ZNF83: variants seen among roughly 807,000 people sequenced by gnomAD.
ZNF83 encodes zinc finger protein 83, also known as zinc finger protein 816B.
For missense variants in ZNF83, 552 were observed against 629.9 expected (o/e 0.88, Z 1.32); for synonymous variants, 209 against 213.0 (o/e 0.98, Z 0.17).
At chr19:52,651,899 C>T (rs2147253118) in intron 3 of ZNF83, 1 of 171,070 alleles carries the variant, frequency 5.8e-6, no homozygotes, top group East Asian at 1.9e-4. Flanking sequence ...CTTTTTATGT[C>T]AATTAATGCT....
intron 1 of ZNF83, among the ~76,000 whole-genome samples, chr19:52,681,303 C>CAAAAAAAAAAAAAAAAAAAAA (rs1189423006): frequency 1.1e-4 from 9 of 78,282 alleles, no homozygotes; most frequent in African/African-American, 1.8e-4. Flanking sequence ...AAAAAAAAAG[C>CAAAAAAAAAAAAAAAAAAAAA]AAACGAACAT....
At chr19:52,643,641 T>C (rs2147230484) in intron 3 of ZNF83, among the ~76,000 whole-genome samples, 1 of 151,618 alleles carries the variant, frequency 6.6e-6, no homozygotes, top group African/African-American at 2.4e-5. Context: ...GTGGAGGTTG[T>C]GGTGAACTGA....
chr19:52,652,656 A>G, intron 3 of ZNF83: 1 of 539,306 alleles, frequency 1.9e-6, no homozygotes, highest in South Asian at 1.5e-5. Flanking sequence ...ATCTCTCTTC[A>G]TTATGGATTC....
chr19:52,630,914 C>CG, intron 2 of ZNF83, among the ~76,000 whole-genome samples: 1 of 152,014 alleles, frequency 6.6e-6, no homozygotes, highest in Admixed American at 6.6e-5. Context: ...TCAGGATCTG[C>CG]ACCTTATCAA....
chr19:52,657,967 T>C (rs1279223109), intron 2 of ZNF83, among the ~76,000 whole-genome samples: 2 of 151,450 alleles, frequency 1.3e-5, no homozygotes, highest in Admixed American at 1.3e-4. Flanking sequence ...AGAAACTCTG[T>C]CTCTACTAAA....
In ZNF83 at chr19:52,625,624, T is replaced by C. The variant is rs191600540; in HGVS notation, c.-234+9442A>G. Among the ~76,000 whole-genome samples the C allele has an allele frequency of 5.4e-4, 82 of 152,328 alleles. No individual in the cohort carries two copies. The East Asian group carries it at 0.014, about 26-fold the overall frequency. On this transcript the variant is annotated intron_variant, in intron 2 of 2. Transcript: ENST00000301096. The stretch of plus-strand genomic sequence containing the variant: ...GTATTACAGACAAGACATCTATCAA[T>C]ACTGGCAAACTTAAAAACATTATTG...
chr19:52,675,592 A>C (rs1452641169), intron 1 of ZNF83, among the ~76,000 whole-genome samples: 1 of 152,094 alleles, frequency 6.6e-6, no homozygotes, highest in Non-Finnish European at 1.5e-5. Context: ...GTGGTGTTGG[A>C]GGGGATGGGC....
At chr19:52,638,063 T>C (rs1315424054) in intron 1 of ZNF83, among the ~76,000 whole-genome samples, 3 of 151,954 alleles carry the variant, frequency 2.0e-5, no homozygotes, top group Non-Finnish European at 4.4e-5. Flanking sequence ...GAAAACAGTT[T>C]TGAGCAGGAA....
intron 1 of ZNF83, chr19:52,674,159 C>G (rs943734444): frequency 2.0e-5 from 3 of 152,168 alleles, no homozygotes; most frequent in African/African-American, 7.2e-5. Flanking sequence ...AACTCTTGGG[C>G]CTTAAGCCTT....
rs2061109941 is a variant in ZNF83, at chr19:52,635,309, GCACCCTTCTGGAGAAGCCCACACCA to G, written c.-321-181_-321-157del. On this transcript the variant is annotated intron_variant, in intron 1 of 2. Transcript: ENST00000301096. ...GATAAACTCCTACAGGAAAACTCCC[GCACCCTTCTGGAGAAGCCCACACCA>G]CACCCTTCTGGAGGAGTCCACACAC... The G allele has an allele frequency of 2.9e-5, 12 of 416,210 alleles. No individual in the cohort carries two copies. In the South Asian group the frequency reaches 3.9e-4, roughly 14 times the overall value. 25.8% of individuals were successfully genotyped at this position (416,210 alleles called of 1,614,324 possible).
Position 52,645,118 on chromosome 19 carries a change from A to G in ZNF83, c.-73-9965T>C, listed in dbSNP as rs531641252. Among the ~76,000 whole-genome samples the G allele has an allele frequency of 4.6e-5, 7 of 152,256 alleles. No individual in the cohort carries two copies. The South Asian group carries it at 1.0e-3, about 23-fold the overall frequency. On this transcript the variant is annotated intron_variant, in intron 3 of 5. Transcript: ENST00000594682. ...ATGGACCAGAGGGCCTGAGGGAAAC[A>G]TGCACTTAATAGCTTACAGCTCAAG...
At chr19:52,667,486 G>A (rs1429399193) in intron 1 of ZNF83, among the ~76,000 whole-genome samples, 4 of 152,174 alleles carry the variant, frequency 2.6e-5, no homozygotes, top group Non-Finnish European at 5.9e-5. Flanking sequence ...AACAGTTTAT[G>A]TGCAAGTTGT....
At chr19:52,681,280 CAAAAAAAA>C (rs56916405) in intron 1 of ZNF83, among the ~76,000 whole-genome samples, 3 of 75,440 alleles carry the variant, frequency 4.0e-5, no homozygotes, top group Non-Finnish European at 5.0e-5. Flanking sequence ...GAGACTTTCT[CAAAAAAAA>C]AAAAAAAAAA....
chr19:52,646,838 T>G lies in ZNF83; in HGVS notation c.-74+8723A>C, dbSNP rs568075654. 6.6e-5 allele frequency among the ~76,000 whole-genome samples: 10 copies of G among 152,362 alleles called. 2 individuals are homozygous for G. The South Asian group carries it at 1.9e-3, about 28-fold the overall frequency. On this transcript the variant is annotated intron_variant, in intron 3 of 5. Coordinates refer to the ZNF83 transcript ENST00000594682. Reference sequence around the variant, plus strand: ...TAGCAAACTCTGTAAGTTCCTGTTTTTCTTTTGATGCATCTGCAAGGTCAC... The same window carrying G: ...TAGCAAACTCTGTAAGTTCCTGTTTGTCTTTTGATGCATCTGCAAGGTCAC...
chr19:52,624,909 C>G (rs939563159), intron 2 of ZNF83, among the ~76,000 whole-genome samples: 1 of 152,186 alleles, frequency 6.6e-6, no homozygotes, highest in African/African-American at 2.4e-5. Flanking sequence ...TATACTCACT[C>G]TTTGTTGAGT....
chr19:52,688,703 G>C (rs2062090101), intron 1 of ZNF83, among the ~76,000 whole-genome samples: 1 of 151,730 alleles, frequency 6.6e-6, no homozygotes, highest in Non-Finnish European at 1.5e-5. Flanking sequence ...CCAATCTTTT[G>C]ATCATCCTCT....
exon 3 of ZNF83, chr19:52,614,441 G>A (rs2060235820): frequency 6.2e-7 from 1 of 1,613,642 alleles, no homozygotes; most frequent in Non-Finnish European, 8.5e-7. Context: ...TTTTCCATGT[G>A]ATCATATTTA....
At chr19:52,687,576 TTTTA>T (rs1193934999) in intron 1 of ZNF83, among the ~76,000 whole-genome samples, 1 of 28,304 alleles carries the variant, frequency 3.5e-5, no homozygotes, top group African/African-American at 2.8e-4. Context: ...TATATATAAA[TTTTA>T]TATATATATA....
At chr19:52,687,740 A>G (rs1312921374) in intron 1 of ZNF83, among the ~76,000 whole-genome samples, 1 of 144,654 alleles carries the variant, frequency 6.9e-6, no homozygotes, top group Admixed American at 7.4e-5. Context: ...TAGGAGGATC[A>G]CTTGACCCCA....
Sources: gnomAD v4.1 joint callset for allele counts (sites outside exome capture counted in the v4.1 genomes callset) on GRCh38, gnomAD v4.1.1 for gene constraint, MANE v1.5 for transcripts, NCBI Gene and HGNC (gene_info 2026-07-23, HGNC 2026-07-21) for gene names.